Variants in SMYD3 observed in about 807,000 individuals in gnomAD.
SMYD3 encodes SET and MYND domain containing 3, also known as histone-lysine N-methyltransferase SMYD3.
A neutral mutation model predicts 57.7 loss-of-function variants in SMYD3; 36 were observed. The observed-to-expected ratio is 0.62, with a 90% CI of 0.48 to 0.82. The LOEUF (loss-of-function observed/expected upper bound fraction) is 0.82, where lower values mean the gene tolerates loss of function less well. SMYD3 is among the 40% of genes least tolerant of loss of function. The pLI is 0.00. For missense variants in SMYD3, 515 were observed against 538.8 expected (o/e 0.96, Z 0.44); for synonymous variants, 211 against 195.0 (o/e 1.08, Z -0.68).
At chr1:246,175,753 T>C (rs2062422372) in intron 5 of SMYD3, among the ~76,000 whole-genome samples, 1 of 152,226 alleles carries the variant, frequency 6.6e-6, no homozygotes, top group South Asian at 2.1e-4. Flanking sequence ...TTTACTGGCA[T>C]GTGTGATTGT....
intron 10 of SMYD3, among the ~76,000 whole-genome samples, chr1:245,807,437 G>A (rs547472644): frequency 7.9e-5 from 12 of 152,222 alleles, no homozygotes; most frequent in East Asian, 1.9e-4. Context: ...GTCAGCCTCC[G>A]AACTTCCGGT....
chr1:246,323,832 C>T (rs1205647593), intron 5 of SMYD3, among the ~76,000 whole-genome samples: 2 of 145,212 alleles, frequency 1.4e-5, no homozygotes, highest in African/African-American at 2.6e-5. Context: ...CTAACAAACA[C>T]CTCTCAGCAG....
chr1:246,312,300 T>C (rs2065093131), intron 5 of SMYD3, among the ~76,000 whole-genome samples: 2 of 152,078 alleles, frequency 1.3e-5, no homozygotes, highest in South Asian at 4.1e-4. Context: ...TTTTCAATTA[T>C]CTCTAATGGC....
intron 1 of SMYD3, among the ~76,000 whole-genome samples, chr1:246,357,244 G>A (rs2065922251): frequency 6.6e-6 from 1 of 152,152 alleles, no homozygotes; most frequent in African/African-American, 2.4e-5. Flanking sequence ...CAGGTCATAA[G>A]TACCCTGCTG....
intron 5 of SMYD3, among the ~76,000 whole-genome samples, chr1:246,282,800 G>A (rs973776435): frequency 6.6e-6 from 1 of 152,128 alleles, no homozygotes; most frequent in African/African-American, 2.4e-5. Flanking sequence ...TTCATGACTA[G>A]AATAACTGAA....
chr1:245,806,676 C>T (rs1039244112), intron 10 of SMYD3, among the ~76,000 whole-genome samples: 7 of 150,776 alleles, frequency 4.6e-5, no homozygotes, highest in Middle Eastern at 3.2e-3. Context: ...TTTGGGAGGC[C>T]GAGGCGGGTG....
In SMYD3 at chr1:246,202,897, T is replaced by C. The variant is rs2062941959; in HGVS notation, c.531+124304A>G. On this transcript the variant is annotated intron_variant, in intron 5 of 11. Transcript: ENST00000490107. This position sits in a 1 kb window ranked among gnomAD's most constrained non-coding sequence, Gnocchi z 4.1. ...ATCCCAGCACTTTGGGAGGCCAAGA[T>C]AGTGGATCACTTGAGGTCAGGAGTT... Among the ~76,000 whole-genome samples, 1 of 152,072 alleles carries C rather than the reference T, an allele frequency of 6.6e-6. No individual in the cohort carries two copies. Among genetic ancestry groups the C allele is most frequent in the Non-Finnish European group, 1.5e-5 (1 of 68,000 alleles).
intron 1 of SMYD3, among the ~76,000 whole-genome samples, chr1:246,497,971 G>A (rs1374615289): frequency 6.6e-6 from 1 of 151,814 alleles, no homozygotes; most frequent in Non-Finnish European, 1.5e-5. Context: ...CACATGAAAA[G>A]ATGTTTAACT....
chr1:246,395,687 AC>A (rs1472808213), intron 1 of SMYD3, among the ~76,000 whole-genome samples: 118 of 84,748 alleles, frequency 1.4e-3, no homozygotes, highest in African/African-American at 2.9e-3. Context: ...GACAGGGAAG[AC>A]GAACCCACCA....
intron 5 of SMYD3, among the ~76,000 whole-genome samples, chr1:246,072,774 T>G (rs1355995662): frequency 6.7e-6 from 1 of 150,190 alleles, no homozygotes; most frequent in Non-Finnish European, 1.5e-5. Flanking sequence ...ACACAGATGG[T>G]AAACTGCTTT....
chr1:245,799,881 C>T (rs2047768224), intron 10 of SMYD3, among the ~76,000 whole-genome samples: 2 of 152,132 alleles, frequency 1.3e-5, no homozygotes, highest in Non-Finnish European at 2.9e-5. Flanking sequence ...GATCTCCCGA[C>T]CTAGGCACAC....
At chr1:246,252,971 C>A (rs2063820117) in intron 5 of SMYD3, among the ~76,000 whole-genome samples, 1 of 152,080 alleles carries the variant, frequency 6.6e-6, no homozygotes, top group African/African-American at 2.4e-5. Flanking sequence ...TATTTAATAC[C>A]ATGTGATGGC....
At chr1:245,925,033 T>C (rs1164163908) in intron 7 of SMYD3, among the ~76,000 whole-genome samples, 1 of 150,774 alleles carries the variant, frequency 6.6e-6, no homozygotes, top group African/African-American at 2.5e-5. Flanking sequence ...TTGAGGAACT[T>C]CTGCCTCAGT....
chr1:245,986,481 A>C (rs758354574), intron 5 of SMYD3, among the ~76,000 whole-genome samples: 2 of 152,246 alleles, frequency 1.3e-5, no homozygotes, highest in Non-Finnish European at 2.9e-5. Context: ...TAGATTACTC[A>C]CACAGCCCCC....
At chr1:245,821,178 G>A (rs1300911130) in intron 10 of SMYD3, among the ~76,000 whole-genome samples, 3 of 149,918 alleles carry the variant, frequency 2.0e-5, no homozygotes, top group African/African-American at 4.8e-5. Context: ...AAAACAGCAT[G>A]GTACTGGTAC....
chr1:246,488,503 C>G lies in SMYD3; in HGVS notation c.164+18551G>C, dbSNP rs572145555. 5.9e-5 allele frequency among the ~76,000 whole-genome samples: 9 copies of G among 152,234 alleles called. No homozygotes were observed. The South Asian group carries it at 1.4e-3, about 25-fold the overall frequency. On this transcript the variant is annotated intron_variant, in intron 1 of 11. Transcript: ENST00000490107. ...GGAGTTCAAGACCAGCCCTGACAAC[C>G]TGGTGAAACCCTGTCTCCACTAAAA...
chr1:246,131,469 T>A (rs999987904), intron 5 of SMYD3, among the ~76,000 whole-genome samples: 1 of 152,202 alleles, frequency 6.6e-6, no homozygotes, highest in East Asian at 1.9e-4. Flanking sequence ...AGGTTCTTAT[T>A]CATAAGGCTG....
Position 245,766,378 on chromosome 1 carries a change from C to A in SMYD3, c.1077-2229G>T, listed in dbSNP as rs1468132347. On this transcript the variant is annotated intron_variant, in intron 10 of 11. Transcript: ENST00000490107. ...TTGCAGCACTGCACTCCAGCCTGGG[C>A]AACAAGAGCGAGACTCTGTCTTAAA... 8.9e-5 allele frequency among the ~76,000 whole-genome samples: 11 copies of A among 123,880 alleles called. No individual in the cohort carries two copies. In the Admixed American group the frequency reaches 9.3e-4, roughly 10 times the overall value. The allele number at this position is 123,880 out of a possible 152,430, so 81.3% of individuals were successfully genotyped here. A position where few individuals can be genotyped will look rare whatever the true frequency, so the allele number is the denominator to read the frequency against.
chr1:246,289,071 C>T (rs377327648), intron 5 of SMYD3, among the ~76,000 whole-genome samples: 42 of 152,066 alleles, frequency 2.8e-4, no homozygotes, highest in Non-Finnish European at 5.0e-4. Context: ...GCCAAGATTG[C>T]GCCACTGCAC....
Sources: gnomAD v4.1 joint callset for allele counts (sites outside exome capture counted in the v4.1 genomes callset) on GRCh38, gnomAD v4.1.1 for gene constraint, Gnocchi (gnomAD v3.1) non-coding constraint, MANE v1.5 for transcripts, NCBI Gene and HGNC (gene_info 2026-07-23, HGNC 2026-07-21) for gene names.